CDC42SE2: variants seen among roughly 807,000 people sequenced by gnomAD.
The protein encoded by CDC42SE2 is CDC42 small effector protein 2.
CDC42SE2 carries 3 observed loss-of-function variants against 11.5 expected under a neutral mutation model. The ratio of observed to expected loss-of-function variants is 0.26; its 90% CI spans 0.12 to 0.67. CDC42SE2 has a LOEUF of 0.67. CDC42SE2 is among the 30% of genes least tolerant of loss of function. CDC42SE2 has a pLI of 0.80. For synonymous variants in CDC42SE2, 33 were observed against 34.8 expected, an observed-to-expected ratio of 0.95 and a Z score of 0.18; for missense variants, 82 against 106.8, an observed-to-expected ratio of 0.77 and a Z score of 1.02.
At chr5:131,250,468 G>A (rs1309560307) in intron 1 of CDC42SE2, among the ~76,000 whole-genome samples, 1 of 152,146 alleles carries the variant, frequency 6.6e-6, no homozygotes, top group African/African-American at 2.4e-5. Context: ...AGTGAAATAG[G>A]TAAATCTGAA....
chr5:131,254,239 T>G (rs1034226543), intron 1 of CDC42SE2, among the ~76,000 whole-genome samples: 1 of 152,048 alleles, frequency 6.6e-6, no homozygotes, highest in Non-Finnish European at 1.5e-5. Flanking sequence ...TTTTCACATG[T>G]GTATAGAAAT....
intron 2 of CDC42SE2, among the ~76,000 whole-genome samples, chr5:131,347,519 C>T (rs1170546898): frequency 6.6e-6 from 1 of 152,070 alleles, no homozygotes; most frequent in Non-Finnish European, 1.5e-5. Flanking sequence ...AGCCTACCAA[C>T]CAAAAAAAGT....
intron 1 of CDC42SE2, among the ~76,000 whole-genome samples, chr5:131,286,730 A>G (rs1007491065): frequency 6.6e-6 from 1 of 151,898 alleles, no homozygotes; most frequent in Non-Finnish European, 1.5e-5. Context: ...AATGAATAGT[A>G]ATTATATTTT....
At chr5:131,388,231 G>T (rs1163550449) in intron 4 of CDC42SE2, among the ~76,000 whole-genome samples, 1 of 152,104 alleles carries the variant, frequency 6.6e-6, no homozygotes, top group African/African-American at 2.4e-5. Context: ...CGGACCTCCG[G>T]TGATCCACCC....
intron 1 of CDC42SE2, among the ~76,000 whole-genome samples, chr5:131,279,300 C>T (rs1580728095): frequency 6.6e-6 from 1 of 152,060 alleles, no homozygotes; most frequent in East Asian, 1.9e-4. Context: ...TCTAATAGTT[C>T]ATTCCAAAGC....
At chr5:131,226,655 G>T in the CDC42SE2 span, among the ~76,000 whole-genome samples, 1 of 152,180 alleles carries the variant, frequency 6.6e-6, no homozygotes, top group Non-Finnish European at 1.5e-5. Flanking sequence ...CAGAGTAGGG[G>T]CTTATGAATG....
intron 1 of CDC42SE2, among the ~76,000 whole-genome samples, chr5:131,273,632 G>A (rs539034768): frequency 6.6e-6 from 1 of 151,490 alleles, no homozygotes; most frequent in South Asian, 2.1e-4. Context: ...AATTAGCCAG[G>A]CGTGGCGGCT....
At chr5:131,360,822 C>G (rs1392774920) in intron 3 of CDC42SE2, among the ~76,000 whole-genome samples, 2 of 152,160 alleles carry the variant, frequency 1.3e-5, no homozygotes, top group East Asian at 3.9e-4. Flanking sequence ...GCCTCGGCCT[C>G]CCAAAGTGCT....
Position 131,359,571 on chromosome 5 carries a change from A to G in CDC42SE2, c.54+24A>G, listed in dbSNP as rs902657296. 6 of 1,579,452 alleles carry G rather than the reference A, an allele frequency of 3.8e-6. No homozygotes were observed. In the African/African-American group the frequency reaches 5.4e-5, roughly 14 times the overall value. ...CTGTAAGTATGAAGTATGTGGACAC[A>G]TCAGGTGGGGTGCTTATTAAACTTT... On this transcript the variant is annotated intron_variant, in intron 3 of 4. Coordinates refer to ENST00000505065, the MANE Select transcript of CDC42SE2 (RefSeq NM_001375635.1).
At chr5:131,359,707 A>G (rs1749653260) in intron 3 of CDC42SE2, 160 bp downstream of exon 3, 3 of 660,768 alleles carry the variant, frequency 4.5e-6, no homozygotes, top group Admixed American at 2.4e-5. Flanking sequence ...TTAAAAAGAA[A>G]TAATGTTTTT....
At chr5:131,231,123 C>A in the CDC42SE2 span, among the ~76,000 whole-genome samples, 45 of 152,172 alleles carry the variant, frequency 3.0e-4, 1 homozygote, top group African/African-American at 1.1e-3. Flanking sequence ...CAAAGTTATA[C>A]CAGTTATACC....
chr5:131,239,150 ACT>A, the CDC42SE2 span, among the ~76,000 whole-genome samples: 3 of 151,476 alleles, frequency 2.0e-5, no homozygotes, highest in African/African-American at 7.3e-5. Context: ...ACAGAGACAG[ACT>A]CTGTCTCAAA....
At position 131,390,978 on chromosome 5, in the gene CDC42SE2, T is replaced by TTTGTC. The variant is rs1372714790; in HGVS notation, c.157-10_157-6dup. ...GACTTCCATTTTGTTTTGTTGTATT[T>TTTGTC]TTGTCTTGTTTTAGGTTAGCTCCAT... On this transcript the variant is annotated splice_polypyrimidine_tract_variant and intron_variant, in intron 4 of 4. Transcript: ENST00000505065. 1.9e-6 allele frequency: 3 copies of TTTGTC among 1,584,240 alleles called. No individual in the cohort carries two copies. The highest frequency in any genetic ancestry group is 1.7e-5 in the Admixed American group (1 of 59,548).
chr5:131,359,616 G>A (rs1289052428), intron 3 of CDC42SE2, 69 bp downstream of exon 3: 3 of 1,134,746 alleles, frequency 2.6e-6, no homozygotes, highest in Non-Finnish European at 2.7e-6. Context: ...CTCAAACTGA[G>A]GATTGGGATC....
At chr5:131,286,575 C>T (rs1455994438) in intron 1 of CDC42SE2, among the ~76,000 whole-genome samples, 2 of 151,614 alleles carry the variant, frequency 1.3e-5, no homozygotes, top group Non-Finnish European at 2.9e-5. Flanking sequence ...GGGTTTGAAC[C>T]GTGCAATTCC....
Position 131,333,589 on chromosome 5 carries a change from C to T in CDC42SE2, c.-286+17445C>T, listed in dbSNP as rs372506957. Among the ~76,000 whole-genome samples, 38 of 152,192 alleles carry T rather than the reference C, an allele frequency of 2.5e-4. No individual in the cohort carries two copies. The East Asian group carries it at 4.2e-3, about 17-fold the overall frequency. On this transcript the variant is annotated intron_variant, in intron 2 of 4. Coordinates refer to ENST00000505065, the MANE Select transcript of CDC42SE2 (RefSeq NM_001375635.1). ...GCCATTTTCATGATACTGATTTTTCCTACCCATGAGCATGGAATGTTCTTC... is the reference window on the plus strand; with the variant it reads ...GCCATTTTCATGATACTGATTTTTCTTACCCATGAGCATGGAATGTTCTTC...
intron 1 of CDC42SE2, among the ~76,000 whole-genome samples, chr5:131,314,011 A>G (rs1177720880): frequency 1.3e-5 from 2 of 152,042 alleles, no homozygotes; most frequent in African/African-American, 2.4e-5. Flanking sequence ...GGATTTTAGA[A>G]TAAACATGCC....
At chr5:131,268,339 A>G (rs1167900818) in intron 1 of CDC42SE2, among the ~76,000 whole-genome samples, 1 of 152,130 alleles carries the variant, frequency 6.6e-6, no homozygotes, top group African/African-American at 2.4e-5. Flanking sequence ...CTAGGATTAC[A>G]GGCGTGAGCC....
At chr5:131,378,104 G>A (rs1388260121) in intron 3 of CDC42SE2, among the ~76,000 whole-genome samples, 1 of 152,206 alleles carries the variant, frequency 6.6e-6, no homozygotes, top group African/African-American at 2.4e-5. Flanking sequence ...GCCATGTGCT[G>A]TGAATGTTCA....
Sources: gnomAD v4.1 joint callset for allele counts (sites outside exome capture counted in the v4.1 genomes callset) on GRCh38, gnomAD v4.1.1 for gene constraint, MANE v1.5 for transcripts, NCBI Gene and HGNC (gene_info 2026-07-23, HGNC 2026-07-21) for gene names.